The following TRIM5 variants were observed in gnomAD, a reference collection of about 807,000 sequenced individuals.
TRIM5 encodes the protein tripartite motif-containing protein 5.
TRIM5 carries 31 observed loss-of-function variants against 35.6 expected under a neutral mutation model. The ratio of observed to expected loss-of-function variants is 0.87; its 90% CI spans 0.65 to 1.18. The LOEUF (loss-of-function observed/expected upper bound fraction) is 1.18, where lower values mean the gene tolerates loss of function less well. TRIM5 is among the 50% of genes most tolerant of loss of function. TRIM5 has a pLI of 0.00. For synonymous variants in TRIM5, 243 were observed against 215.6 expected (o/e 1.13, Z -1.11); for missense variants, 609 against 591.6 (o/e 1.03, Z -0.31).
intron 1 of TRIM5, among the ~76,000 whole-genome samples, chr11:5,683,525 G>C (rs1590293350): frequency 6.6e-6 from 1 of 151,054 alleles, no homozygotes; most frequent in Admixed American, 6.6e-5. Context: ...TTTATGTCTA[G>C]CGAAGGGATT....
At chr11:5,671,104 T>C (rs1014834051) in intron 4 of TRIM5, among the ~76,000 whole-genome samples, 1 of 152,100 alleles carries the variant, frequency 6.6e-6, no homozygotes, top group African/African-American at 2.4e-5. Context: ...TGCGGAGCTG[T>C]AGTCCCAGCT....
the TRIM5 span, among the ~76,000 whole-genome samples, chr11:5,600,180 C>T: frequency 6.6e-6 from 1 of 152,166 alleles, no homozygotes; most frequent in Non-Finnish European, 1.5e-5. Flanking sequence ...GTAATAAGAG[C>T]TCCAGCTCTG....
intron 4 of TRIM5, among the ~76,000 whole-genome samples, chr11:5,670,645 C>T (rs981077943): frequency 2.6e-5 from 4 of 152,100 alleles, no homozygotes; most frequent in Admixed American, 1.3e-4. Flanking sequence ...TTTTAAACAG[C>T]CTTAACTTTG....
At chr11:5,603,452 T>G in the TRIM5 span, 1 of 1,613,702 alleles carries the variant, frequency 6.2e-7, no homozygotes, top group South Asian at 1.1e-5. Flanking sequence ...AGGGAATCAG[T>G]GATTGGTCAA....
At chr11:5,607,751 G>A in the TRIM5 span, among the ~76,000 whole-genome samples, 1 of 152,180 alleles carries the variant, frequency 6.6e-6, no homozygotes, top group Non-Finnish European at 1.5e-5. Flanking sequence ...TCAGTAGGAT[G>A]GAAGGGAGAC....
At chr11:5,609,649 G>A in the TRIM5 span, among the ~76,000 whole-genome samples, 16,197 of 152,152 alleles carry the variant, frequency 0.11, 1,259 homozygotes, top group Middle Eastern at 0.21. Flanking sequence ...TTGGACAGGC[G>A]CAGTGACTCA....
the TRIM5 span, chr11:5,589,024 G>C: frequency 6.6e-6 from 1 of 152,024 alleles, no homozygotes; most frequent in African/African-American, 2.4e-5. Flanking sequence ...GACCTCAGAT[G>C]ATCCGCCCGC....
the TRIM5 span, among the ~76,000 whole-genome samples, chr11:5,595,736 G>A: frequency 2.1e-5 from 2 of 96,686 alleles, no homozygotes; most frequent in Non-Finnish European, 4.7e-5. Context: ...TTTTTTTTTT[G>A]AGAGAGAGTC....
At chr11:5,600,093 T>G in the TRIM5 span, among the ~76,000 whole-genome samples, 2 of 152,224 alleles carry the variant, frequency 1.3e-5, no homozygotes, top group South Asian at 4.1e-4. Context: ...CAATTAGTAC[T>G]ACCAGTTAGA....
At chr11:5,588,935 C>CA in the TRIM5 span, 1 of 152,028 alleles carries the variant, frequency 6.6e-6, no homozygotes, top group Non-Finnish European at 1.5e-5. Context: ...AGGCACATGT[C>CA]ACCACACCTG....
the TRIM5 span, among the ~76,000 whole-genome samples, chr11:5,620,485 G>A: frequency 3.3e-5 from 5 of 152,258 alleles, no homozygotes; most frequent in East Asian, 9.6e-4. Context: ...ACAGGAGTGA[G>A]CCACTGCGTC....
the TRIM5 span, chr11:5,611,073 G>C: frequency 1.2e-6 from 2 of 1,614,164 alleles, no homozygotes; most frequent in South Asian, 2.2e-5. Flanking sequence ...GCCTCAGAGT[G>C]GATACTGGGT....
intron 4 of TRIM5, among the ~76,000 whole-genome samples, chr11:5,669,228 C>T (rs57857781): frequency 0.048 from 7,228 of 151,568 alleles, 474 homozygotes; most frequent in African/African-American, 0.15. Flanking sequence ...TACAGGCGTG[C>T]GCCACCACGC....
intron 4 of TRIM5, among the ~76,000 whole-genome samples, chr11:5,675,526 G>A (rs945029379): frequency 6.6e-6 from 1 of 151,982 alleles, no homozygotes; most frequent in East Asian, 1.9e-4. Flanking sequence ...GGCATTATGG[G>A]ATCATGATCC....
In TRIM5 at chr11:5,679,786, G is replaced by C; in HGVS notation, c.392C>G (p.Thr131Arg). 2 of 1,605,230 alleles carry C rather than the reference G, an allele frequency of 1.2e-6. No individual in the cohort carries two copies. The highest frequency in any genetic ancestry group is 1.7e-6 in the Non-Finnish European group (2 of 1,174,734). Reference protein sequence around the residue: ...QEHRGHHTFLTEEVAREYQVK... With the variant: ...QEHRGHHTFLREEVAREYQVK... ...TTGGTACTCCCGGGCAACCTCCTCT[G>C]TGAGGAACGTGTGGTGACCACGGTG... The change falls in exon 2 of 8, where the codon ACA (threonine) becomes AGA (arginine). Residue 131 changes from threonine (T) to arginine (R), a missense_variant. Coordinates refer to ENST00000380034, the MANE Select transcript of TRIM5 (RefSeq NM_033034.3).
the TRIM5 span, among the ~76,000 whole-genome samples, chr11:5,600,000 A>C: frequency 6.6e-6 from 1 of 152,204 alleles, no homozygotes; most frequent in Non-Finnish European, 1.5e-5. Context: ...ATATTAACAA[A>C]GGAAATAATA....
At chr11:5,683,056 C>T (rs1240967145) in intron 1 of TRIM5, among the ~76,000 whole-genome samples, 1 of 152,208 alleles carries the variant, frequency 6.6e-6, no homozygotes, top group Non-Finnish European at 1.5e-5. Context: ...CGGCCGGCCC[C>T]GCTGCCCCGG....
At chr11:5,610,306 G>A in the TRIM5 span, 93 of 1,608,916 alleles carry the variant, frequency 5.8e-5, no homozygotes, top group South Asian at 2.8e-4. Context: ...AGAAATAAAC[G>A]GGATAGAGGC....
intron 2 of TRIM5, 94 bp downstream of exon 2, chr11:5,679,667 T>C: frequency 1.5e-6 from 2 of 1,335,526 alleles, no homozygotes; most frequent in Non-Finnish European, 1.0e-6. Context: ...GTCTCAGGTC[T>C]ATCATGACAA....
Sources: gnomAD v4.1 joint callset for allele counts (sites outside exome capture counted in the v4.1 genomes callset) on GRCh38, gnomAD v4.1.1 for gene constraint, MANE v1.5 for transcripts, NCBI Gene and HGNC (gene_info 2026-07-23, HGNC 2026-07-21) for gene names.